Variants in DPYSL2 observed in about 807,000 individuals in gnomAD.
DPYSL2 encodes dihydropyrimidinase like 2.
DPYSL2 carries 13 observed loss-of-function variants against 69.9 expected under a neutral mutation model. That is an observed-to-expected ratio of 0.19 (90% confidence interval 0.12 to 0.30). The LOEUF is 0.30. Among genes scored for constraint, DPYSL2 ranks in the 10% least tolerant of loss-of-function variants. DPYSL2 has a pLI of 1.00. For synonymous variants in DPYSL2, 326 were observed against 359.1 expected (o/e 0.91, Z 1.04); for missense variants, 587 against 918.9 (o/e 0.64, Z 4.67).
intron 1 of DPYSL2, among the ~76,000 whole-genome samples, chr8:26,573,846 A>C (rs1801282048): frequency 6.6e-6 from 1 of 150,660 alleles, no homozygotes; most frequent in African/African-American, 2.4e-5. Flanking sequence ...CAAAAAAAAA[A>C]AAAAAAAAAA....
intron 1 of DPYSL2, among the ~76,000 whole-genome samples, chr8:26,579,923 A>G (rs1236783848): frequency 1.7e-5 from 1 of 58,332 alleles, no homozygotes. Flanking sequence ...GATCAACAAG[A>G]CTTTTTTTTT....
At position 26,614,713 on chromosome 8, in the gene DPYSL2, G is replaced by T. The variant is rs149281839; in HGVS notation, c.629-9430G>T. On this transcript the variant is annotated intron_variant, in intron 3 of 13. Coordinates refer to ENST00000521913, the MANE Select transcript of DPYSL2 (RefSeq NM_001197293.3). This position sits in a 1 kb window ranked among gnomAD's most constrained non-coding sequence, Gnocchi z 4.9. ...CCACTTGATTTATATGAAGATACTGGTTTAGTTTTAAAAGCAAACTTACAT... is the reference window on the plus strand; with the variant it reads ...CCACTTGATTTATATGAAGATACTGTTTTAGTTTTAAAAGCAAACTTACAT... Among the ~76,000 whole-genome samples the T allele has an allele frequency of 0.015, 2,348 of 152,250 alleles. 67 individuals carry two copies. The highest frequency in any genetic ancestry group is 0.052 in the African/African-American group (2,170 of 41,546).
At position 26,514,737 on chromosome 8, in the gene DPYSL2, T is replaced by G. The variant is rs1585482538; in HGVS notation, c.354+58T>G. The G allele has an allele frequency of 7.5e-7, 1 of 1,325,752 alleles. No homozygotes were observed. The highest frequency in any genetic ancestry group is 9.7e-7 in the Non-Finnish European group (1 of 1,027,042). 82.1% of individuals were successfully genotyped at this position (1,325,752 alleles called of 1,614,324 possible). ...ACGGGGCGCGGGGATCGCCCCTCCCTCGCCCCTGAGCCCGGCGCGCCCGCC... is the reference window on the plus strand; with the variant it reads ...ACGGGGCGCGGGGATCGCCCCTCCCGCGCCCCTGAGCCCGGCGCGCCCGCC... On this transcript the variant is annotated intron_variant, in intron 1 of 13. Coordinates refer to ENST00000521913, the MANE Select transcript of DPYSL2 (RefSeq NM_001197293.3). This position sits in a 1 kb window ranked among gnomAD's most constrained non-coding sequence, Gnocchi z 8.4.
At position 26,609,428 on chromosome 8, in the gene DPYSL2, C is replaced by A. The variant is rs1327418674; in HGVS notation, c.629-14715C>A. Reference sequence around the variant, plus strand: ...CCTTAAGTTATAGTTGGATTCCCTTCCCAGCAAGGAACCAACAGGAAGGAA... The same window carrying A: ...CCTTAAGTTATAGTTGGATTCCCTTACCAGCAAGGAACCAACAGGAAGGAA... On this transcript the variant is annotated intron_variant, in intron 3 of 13. Coordinates refer to ENST00000521913, the MANE Select transcript of DPYSL2 (RefSeq NM_001197293.3). This position sits in a 1 kb window ranked among gnomAD's most constrained non-coding sequence, Gnocchi z 6.5. Among the ~76,000 whole-genome samples the A allele has an allele frequency of 6.6e-6, 1 of 152,204 alleles. No homozygotes were observed. The highest frequency in any genetic ancestry group is 1.5e-5 in the Non-Finnish European group (1 of 68,040).
At chr8:26,638,143 C>G (rs188327218) in intron 8 of DPYSL2, 3 of 152,274 alleles carry the variant, frequency 2.0e-5, no homozygotes, top group East Asian at 3.9e-4. Flanking sequence ...ATACTTTAGG[C>G]CTGCGTACCA....
intron 1 of DPYSL2, among the ~76,000 whole-genome samples, chr8:26,536,848 G>T (rs2117618324): frequency 6.6e-6 from 1 of 151,752 alleles, no homozygotes; most frequent in African/African-American, 2.4e-5. Context: ...ATAATGAAGG[G>T]CAAGATTCTG....
chr8:26,540,458 C>T (rs1441228263), intron 1 of DPYSL2, among the ~76,000 whole-genome samples: 1 of 152,146 alleles, frequency 6.6e-6, no homozygotes, highest in Non-Finnish European at 1.5e-5. Context: ...TAAATAATGG[C>T]TGAAAACTTT....
chr8:26,633,017 C>A (rs1802814952), intron 7 of DPYSL2, among the ~76,000 whole-genome samples: 1 of 152,228 alleles, frequency 6.6e-6, no homozygotes, highest in African/African-American at 2.4e-5. Flanking sequence ...AGAATTTAAT[C>A]TTTTGGCCAA....
At position 26,516,226 on chromosome 8, in the gene DPYSL2, A is replaced by G. The variant is rs982436608; in HGVS notation, c.354+1547A>G. On this transcript the variant is annotated intron_variant, in intron 1 of 13. Coordinates refer to ENST00000521913, the MANE Select transcript of DPYSL2 (RefSeq NM_001197293.3). The surrounding 1 kb of genome is among the most constrained non-coding windows in gnomAD (Gnocchi z 4.8). ...AACCAGAAGAAACTAAATCCAAAAA[A>G]CTTGCTTTGTTCCAAGTGATCAGAC... Among the ~76,000 whole-genome samples the G allele has an allele frequency of 2.0e-5, 3 of 152,180 alleles. No individual in the cohort carries two copies. Among genetic ancestry groups the G allele is most frequent in the Non-Finnish European group, 4.4e-5 (3 of 68,042 alleles).
At position 26,653,481 on chromosome 8, in the gene DPYSL2, CA is replaced by C; in HGVS notation, c.1942+85del. The C allele has an allele frequency of 7.1e-7, 1 of 1,399,274 alleles. No homozygotes were observed. The highest frequency in any genetic ancestry group is 2.3e-5 in the East Asian group (1 of 43,130). The allele number at this position is 1,399,274 out of a possible 1,614,324, so 86.7% of individuals were successfully genotyped here. ...AGGCTACAGTTGCATTTGGAAAGGA[CA>C]CAGAAATAGAAGTGAATGATATTCC... On this transcript the variant is annotated intron_variant, in intron 13 of 13. Transcript: ENST00000521913. This position sits in a 1 kb window ranked among gnomAD's most constrained non-coding sequence, Gnocchi z 5.7.
At chr8:26,601,435 T>C (rs1455237896) in intron 3 of DPYSL2, among the ~76,000 whole-genome samples, 1 of 152,052 alleles carries the variant, frequency 6.6e-6, no homozygotes. Context: ...TGGAGTGCGG[T>C]GGCGCCATCT....
At chr8:26,576,151 C>T (rs1264222603) in intron 1 of DPYSL2, among the ~76,000 whole-genome samples, 2 of 152,136 alleles carry the variant, frequency 1.3e-5, no homozygotes, top group Non-Finnish European at 2.9e-5. Flanking sequence ...GCGTGCCCTA[C>T]GGCTACTTTC....
In DPYSL2 at chr8:26,614,387, G is replaced by T. The variant is rs1423563501; in HGVS notation, c.629-9756G>T. On this transcript the variant is annotated intron_variant, in intron 3 of 13. Transcript: ENST00000521913. The surrounding 1 kb of genome is among the most constrained non-coding windows in gnomAD (Gnocchi z 4.9). ...CAACATTCAGCTCCCTCCATAGCTC[G>T]ATGAGAAGAGAGGGGTGGGGACAGG... Among the ~76,000 whole-genome samples, 1 of 152,150 alleles carries T rather than the reference G, an allele frequency of 6.6e-6. No individual in the cohort carries two copies. The highest frequency in any genetic ancestry group is 1.5e-5 in the Non-Finnish European group (1 of 68,016).
intron 1 of DPYSL2, among the ~76,000 whole-genome samples, chr8:26,574,702 C>T (rs1801299081): frequency 6.6e-6 from 1 of 152,152 alleles, no homozygotes; most frequent in African/African-American, 2.4e-5. Flanking sequence ...CATAATTTTA[C>T]AGGAAATTTT....
At chr8:26,518,346 G>A (rs1808327848) in intron 1 of DPYSL2, among the ~76,000 whole-genome samples, 1 of 152,118 alleles carries the variant, frequency 6.6e-6, no homozygotes, top group Admixed American at 6.5e-5. Context: ...AAGTGGGGGT[G>A]GGGGATAATT....
intron 7 of DPYSL2, among the ~76,000 whole-genome samples, chr8:26,634,307 C>T (rs1429486659): frequency 1.3e-5 from 2 of 152,008 alleles, no homozygotes; most frequent in East Asian, 1.9e-4. Flanking sequence ...CTTTGTTGCC[C>T]AGGTTGGAGT....
At position 26,652,378 on chromosome 8, in the gene DPYSL2, A is replaced by G. The variant is rs1803296351; in HGVS notation, c.1718A>G (p.Tyr573Cys). 6.2e-7 allele frequency: 1 copy of G among 1,614,230 alleles called. No homozygotes were observed. Residue 573 changes from tyrosine (Y) to cysteine (C), a missense_variant, in exon 12 of 14, where the codon TAC (tyrosine) becomes TGC (cysteine). By Grantham distance (194) the Tyr-to-Cys change is radical. Coordinates refer to ENST00000521913, the MANE Select transcript of DPYSL2 (RefSeq NM_001197293.3). This position sits in a 1 kb window ranked among gnomAD's most constrained non-coding sequence, Gnocchi z 6.3. ...TLHVTEGSGRYIPRKPFPDFV... is the reference protein window; with the variant it reads ...TLHVTEGSGRCIPRKPFPDFV... The stretch of plus-strand genomic sequence containing the variant: ...CATGTCACCGAAGGCTCTGGACGCT[A>G]CATTCCCCGGAAGCCCTTCCCTGAT...
intron 3 of DPYSL2, among the ~76,000 whole-genome samples, chr8:26,602,092 C>T (rs1448502867): frequency 1.4e-5 from 2 of 148,074 alleles, no homozygotes; most frequent in African/African-American, 5.0e-5. Flanking sequence ...CTTGAAGTTA[C>T]TAGTTATAGA....
rs1313520569 is a variant in DPYSL2 at position 26,610,266 on chromosome 8, T to C, written c.629-13877T>C. 6.6e-6 allele frequency among the ~76,000 whole-genome samples: 1 copy of C among 152,202 alleles called. No homozygotes were observed. The highest frequency in any genetic ancestry group is 1.5e-5 in the Non-Finnish European group (1 of 68,042). On this transcript the variant is annotated intron_variant, in intron 3 of 13. Coordinates refer to ENST00000521913, the MANE Select transcript of DPYSL2 (RefSeq NM_001197293.3). The surrounding 1 kb of genome is among the most constrained non-coding windows in gnomAD (Gnocchi z 4.5). ...GGTTTTACTTGCATTTGATTTTTGATAGAATGAGAGATGAATTGATTTGTT... is the reference window on the plus strand; with the variant it reads ...GGTTTTACTTGCATTTGATTTTTGACAGAATGAGAGATGAATTGATTTGTT...
Sources: allele counts gnomAD v4.1 joint callset (sites outside exome capture counted in the v4.1 genomes callset), GRCh38; gene constraint gnomAD v4.1.1; non-coding constraint Gnocchi (gnomAD v3.1); transcripts MANE v1.5; gene names NCBI Gene and HGNC (gene_info 2026-07-23, HGNC 2026-07-21).